The following PPARGC1A variants were observed in gnomAD, a reference collection of about 807,000 sequenced individuals.
The protein encoded by PPARGC1A is PPARG coactivator 1 alpha, also known as peroxisome proliferator-activated receptor gamma coactivator 1-alpha.
PPARGC1A carries 25 observed loss-of-function variants against 88.7 expected under a neutral mutation model. The observed-to-expected ratio is 0.28, with a 90% confidence interval of 0.21 to 0.39. The LOEUF is 0.39. Ranked by LOEUF, PPARGC1A falls within the 10% of genes least tolerant of loss-of-function variation. PPARGC1A has a pLI of 1.00. For missense variants in PPARGC1A, 880 were observed against 968.7 expected (o/e 0.91, Z 1.22); for synonymous variants, 363 against 355.6 (o/e 1.02, Z -0.24).
chr4:24,266,262 G>C, the PPARGC1A span, among the ~76,000 whole-genome samples: 1 of 152,200 alleles, frequency 6.6e-6, no homozygotes, highest in African/African-American at 2.4e-5. Flanking sequence ...CTTGGGACCA[G>C]ATGGAGTTGG....
At chr4:23,972,627 T>A in the PPARGC1A span, among the ~76,000 whole-genome samples, 1 of 152,208 alleles carries the variant, frequency 6.6e-6, no homozygotes, top group African/African-American at 2.4e-5. Context: ...AAAATCAAAC[T>A]ACTTTTGTGC....
chr4:23,808,316 T>C lies in PPARGC1A; in HGVS notation c.2019+4431A>G, dbSNP rs554611138. Among the ~76,000 whole-genome samples, 107 of 151,538 alleles carry C rather than the reference T, an allele frequency of 7.1e-4. 2 individuals carry two copies. The highest frequency in any genetic ancestry group is 2.6e-3 in the African/African-American group (106 of 41,286). ...TTTCATTTCATTTGGAAGAAGTTTA[T>C]AATTATCAGCAGTACTACACTGTCC... is the stretch of plus-strand genomic sequence containing the variant. On this transcript the variant is annotated intron_variant, in intron 10 of 12. Transcript: ENST00000264867.
At chr4:23,800,130 G>GA (rs1194661033) in intron 12 of PPARGC1A, among the ~76,000 whole-genome samples, 2 of 151,626 alleles carry the variant, frequency 1.3e-5, no homozygotes, top group African/African-American at 2.4e-5. Flanking sequence ...TTGGACAGAA[G>GA]AAAAAAAATC....
the PPARGC1A span, among the ~76,000 whole-genome samples, chr4:24,002,503 A>C: frequency 1.1e-4 from 17 of 152,102 alleles, no homozygotes; most frequent in African/African-American, 4.1e-4. Context: ...ATCTCCTTGC[A>C]ATGTGCTATT....
At chr4:24,249,403 C>T in the PPARGC1A span, among the ~76,000 whole-genome samples, 5 of 152,108 alleles carry the variant, frequency 3.3e-5, no homozygotes, top group Admixed American at 6.6e-5. Context: ...TCTGTGAGGC[C>T]GCGTTCAGGA....
chr4:24,155,598 C>CAA, the PPARGC1A span, among the ~76,000 whole-genome samples: 908 of 139,450 alleles, frequency 6.5e-3, 6 homozygotes, highest in African/African-American at 0.02. Context: ...AAAACCCTGT[C>CAA]AAAAAAAAAA....
At chr4:24,367,421 G>C in the PPARGC1A span, among the ~76,000 whole-genome samples, 1 of 152,158 alleles carries the variant, frequency 6.6e-6, no homozygotes, top group African/African-American at 2.4e-5. Flanking sequence ...TTATTTAAAA[G>C]CTTAAGTATA....
At chr4:23,881,812 G>C (rs966713698) in intron 2 of PPARGC1A, 4 of 152,204 alleles carry the variant, frequency 2.6e-5, no homozygotes, top group African/African-American at 9.7e-5. Context: ...TGATGAGGCA[G>C]GGCTTTGCAA....
intron 7 of PPARGC1A, among the ~76,000 whole-genome samples, chr4:23,822,424 C>T (rs1228354703): frequency 1.3e-5 from 2 of 152,108 alleles, no homozygotes; most frequent in African/African-American, 4.8e-5. Flanking sequence ...CTGTCATTCA[C>T]TAGGATGATA....
the PPARGC1A span, among the ~76,000 whole-genome samples, chr4:23,915,603 T>C: frequency 7.2e-5 from 11 of 152,366 alleles, no homozygotes; most frequent in African/African-American, 2.6e-4. Context: ...TCTTTTTTTG[T>C]TGTTCACTGT....
the PPARGC1A span, among the ~76,000 whole-genome samples, chr4:24,148,352 T>TA: frequency 1.3e-5 from 2 of 152,194 alleles, no homozygotes; most frequent in Non-Finnish European, 2.9e-5. Flanking sequence ...GGTCCTGCTC[T>TA]AATCCTGCCT....
the PPARGC1A span, among the ~76,000 whole-genome samples, chr4:24,320,954 T>A: frequency 6.6e-6 from 1 of 152,308 alleles, no homozygotes; most frequent in Admixed American, 6.5e-5. Context: ...TTTCCAAAAA[T>A]TAGCCTTACA....
At chr4:24,247,968 C>A in the PPARGC1A span, among the ~76,000 whole-genome samples, 1 of 152,232 alleles carries the variant, frequency 6.6e-6, no homozygotes, top group East Asian at 1.9e-4. Context: ...TTTCCCTTCC[C>A]TTTCCAAAAG....
At chr4:23,851,403 T>C (rs1729270495) in intron 2 of PPARGC1A, among the ~76,000 whole-genome samples, 1 of 152,152 alleles carries the variant, frequency 6.6e-6, no homozygotes. Flanking sequence ...ATGGACCCAA[T>C]ATCAAAAATT....
chr4:24,128,609 C>T, the PPARGC1A span, among the ~76,000 whole-genome samples: 9 of 150,318 alleles, frequency 6.0e-5, no homozygotes, highest in South Asian at 2.1e-4. Flanking sequence ...ATGGTATGGA[C>T]GCATATTAAG....
At chr4:23,966,438 C>T in the PPARGC1A span, among the ~76,000 whole-genome samples, 1 of 152,190 alleles carries the variant, frequency 6.6e-6, no homozygotes, top group African/African-American at 2.4e-5. Flanking sequence ...TAAATAACCA[C>T]ATAGAGCTAG....
chr4:24,196,522 C>A, the PPARGC1A span, among the ~76,000 whole-genome samples: 1 of 152,156 alleles, frequency 6.6e-6, no homozygotes, highest in South Asian at 2.1e-4. Flanking sequence ...CAAAGCAAAG[C>A]AAAGCAAAAG....
chr4:24,462,146 C>T, the PPARGC1A span, among the ~76,000 whole-genome samples: 2 of 151,986 alleles, frequency 1.3e-5, no homozygotes, highest in Non-Finnish European at 2.9e-5. Context: ...AGTGCAGTGG[C>T]GGGATCTCGG....
the PPARGC1A span, among the ~76,000 whole-genome samples, chr4:24,131,359 A>G: frequency 6.6e-6 from 1 of 152,194 alleles, no homozygotes; most frequent in East Asian, 1.9e-4. Context: ...ACTTTAATCA[A>G]TCAACAAAAG....
Sources: gnomAD v4.1 joint callset for allele counts (sites outside exome capture counted in the v4.1 genomes callset) on GRCh38, gnomAD v4.1.1 for gene constraint, MANE v1.5 for transcripts, NCBI Gene and HGNC (gene_info 2026-07-23, HGNC 2026-07-21) for gene names.